FER: variants seen among roughly 807,000 people sequenced by gnomAD.
FER encodes the protein tyrosine-protein kinase Fer.
A neutral mutation model predicts 111.0 loss-of-function variants in FER; 63 were observed. The ratio of observed to expected loss-of-function variants is 0.57; its 90% confidence interval spans 0.46 to 0.70. The LOEUF (loss-of-function observed/expected upper bound fraction) is 0.70, where lower values mean the gene tolerates loss of function less well. FER is among the 30% of genes least tolerant of loss of function. The pLI is 0.00. For synonymous variants in FER, 327 were observed against 313.9 expected, an observed-to-expected ratio of 1.04 and a Z score of -0.44; for missense variants, 914 against 954.0, an observed-to-expected ratio of 0.96 and a Z score of 0.55.
intron 16 of FER, among the ~76,000 whole-genome samples, chr5:109,096,578 G>A (rs796111629): frequency 2.5e-4 from 38 of 151,962 alleles, no homozygotes; most frequent in African/African-American, 8.4e-4. Flanking sequence ...GTTTATGTCT[G>A]GTTGTACTTC....
In FER at chr5:109,045,220, G is replaced by A. The variant is rs115791649; in HGVS notation, c.1829+425G>A. Among the ~76,000 whole-genome samples the A allele has an allele frequency of 4.1e-3, 614 of 151,536 alleles. 5 individuals are homozygous for A. Among genetic ancestry groups the A allele is most frequent in the Middle Eastern group, 0.028 (8 of 288 alleles). On this transcript the variant is annotated intron_variant, in intron 15 of 19. Transcript: ENST00000281092. ...CTCAGCTGTTAGGTTTCATTTCTGA[G>A]AACCTCAGATTTCTTCTTCAACTGT...
chr5:109,172,178 T>C (rs921459704), intron 17 of FER, among the ~76,000 whole-genome samples: 1 of 151,960 alleles, frequency 6.6e-6, no homozygotes, highest in Non-Finnish European at 1.5e-5. Context: ...TAAAGACACA[T>C]GCACACGTAT....
chr5:108,984,554 G>A (rs905365886), intron 13 of FER, among the ~76,000 whole-genome samples: 14 of 149,540 alleles, frequency 9.4e-5, no homozygotes, highest in African/African-American at 2.9e-4. Context: ...ATAAGTAAAT[G>A]CCACGATAGT....
intron 1 of FER, among the ~76,000 whole-genome samples, chr5:108,756,588 CAT>C (rs924903542): frequency 5.3e-5 from 8 of 151,848 alleles, no homozygotes; most frequent in East Asian, 3.8e-4. Context: ...TTAATGATAA[CAT>C]ATAATGGTAA....
At chr5:108,913,871 A>G (rs982495561) in intron 10 of FER, among the ~76,000 whole-genome samples, 24 of 152,192 alleles carry the variant, frequency 1.6e-4, no homozygotes, top group African/African-American at 5.8e-4. Flanking sequence ...AATCTTACAA[A>G]AATAATGCTA....
chr5:108,763,785 A>G (rs1328735698), intron 1 of FER, among the ~76,000 whole-genome samples: 1 of 152,202 alleles, frequency 6.6e-6, no homozygotes, highest in Non-Finnish European at 1.5e-5. Context: ...CCCAGCAGTA[A>G]TTCTGAATTC....
intron 10 of FER, among the ~76,000 whole-genome samples, chr5:108,917,547 T>C (rs1438956607): frequency 6.6e-6 from 1 of 152,200 alleles, no homozygotes; most frequent in South Asian, 2.1e-4. Context: ...TTGGGGGATG[T>C]TGCCTCTTTC....
intron 1 of FER, among the ~76,000 whole-genome samples, chr5:108,756,955 A>T (rs1341597111): frequency 3.9e-5 from 6 of 152,150 alleles, no homozygotes; most frequent in African/African-American, 1.2e-4. Context: ...TAAAAGTGTG[A>T]TGCACTTTTG....
At chr5:108,852,926 C>G (rs1762667140) in intron 5 of FER, among the ~76,000 whole-genome samples, 1 of 152,078 alleles carries the variant, frequency 6.6e-6, no homozygotes, top group Non-Finnish European at 1.5e-5. Flanking sequence ...CTATATGATT[C>G]ATTTATATTC....
chr5:109,026,800 TC>T (rs1768804605), intron 13 of FER, among the ~76,000 whole-genome samples: 1 of 152,174 alleles, frequency 6.6e-6, no homozygotes, highest in African/African-American at 2.4e-5. Context: ...TGTCTCAGCC[TC>T]CCGAGTAGCT....
chr5:109,139,919 A>G (rs1034349415), intron 17 of FER, among the ~76,000 whole-genome samples: 1 of 152,220 alleles, frequency 6.6e-6, no homozygotes, highest in Non-Finnish European at 1.5e-5. Flanking sequence ...TAAACACAGT[A>G]TACTGCTATC....
At chr5:108,931,968 G>C (rs1205329548) in intron 10 of FER, among the ~76,000 whole-genome samples, 1 of 151,968 alleles carries the variant, frequency 6.6e-6, no homozygotes, top group Non-Finnish European at 1.5e-5. Flanking sequence ...AATTTTGTGT[G>C]TGTGTGTGTG....
chr5:109,039,510 A>G (rs1581754851), intron 14 of FER, among the ~76,000 whole-genome samples: 1 of 152,128 alleles, frequency 6.6e-6, no homozygotes, highest in Non-Finnish European at 1.5e-5. Flanking sequence ...TGTGAACAAT[A>G]GAGGGATTGG....
At chr5:108,948,188 A>T (rs1757243836) in intron 11 of FER, among the ~76,000 whole-genome samples, 1 of 152,114 alleles carries the variant, frequency 6.6e-6, no homozygotes, top group Admixed American at 6.6e-5. Context: ...TGGACGTGAC[A>T]TAACGATTTA....
intron 10 of FER, chr5:108,924,479 G>C (rs1232466899): frequency 3.5e-6 from 2 of 576,332 alleles, no homozygotes; most frequent in South Asian, 1.9e-4. Context: ...TTTGTTGGCT[G>C]TATCTGTTCC....
chr5:108,864,723 G>T (rs1294273753), intron 5 of FER, among the ~76,000 whole-genome samples: 1 of 152,132 alleles, frequency 6.6e-6, no homozygotes, highest in South Asian at 2.1e-4. Flanking sequence ...CTATATCTCT[G>T]TTTTGGTACC....
chr5:108,761,816 G>A (rs1271242679), intron 1 of FER, among the ~76,000 whole-genome samples: 1 of 152,192 alleles, frequency 6.6e-6, no homozygotes, highest in East Asian at 1.9e-4. Context: ...TTACCCTAAA[G>A]TAGAGGATTA....
At chr5:108,919,837 G>C (rs1752795627) in intron 10 of FER, among the ~76,000 whole-genome samples, 1 of 152,114 alleles carries the variant, frequency 6.6e-6, no homozygotes, top group African/African-American at 2.4e-5. Context: ...AATCCTCTGT[G>C]CTATTAATGT....
intron 17 of FER, among the ~76,000 whole-genome samples, chr5:109,172,383 G>A (rs1019848324): frequency 1.0e-4 from 15 of 149,126 alleles, no homozygotes; most frequent in Non-Finnish European, 2.2e-4. Flanking sequence ...CTATCGCAAG[G>A]ACAAAAGACC....
Sources: gnomAD v4.1 joint callset for allele counts (sites outside exome capture counted in the v4.1 genomes callset) on GRCh38, gnomAD v4.1.1 for gene constraint, MANE v1.5 for transcripts, NCBI Gene and HGNC (gene_info 2026-07-23, HGNC 2026-07-21) for gene names.